Variants in SCAI observed in about 807,000 individuals in gnomAD.
SCAI encodes the protein suppressor of cancer cell invasion.
Under a neutral mutation model 92.2 loss-of-function variants are expected in SCAI, and 24 were observed. The ratio of observed to expected loss-of-function variants is 0.26; its 90% CI spans 0.19 to 0.37. SCAI has a LOEUF of 0.37. SCAI is among the 10% of genes least tolerant of loss of function. The probability of loss-of-function intolerance (pLI) is 1.00; values close to 1 mark genes in which losing one functional copy is unlikely to be tolerated. For synonymous variants in SCAI, 261 were observed against 258.6 expected (o/e 1.01, Z -0.09); for missense variants, 450 against 736.2 (o/e 0.61, Z 4.50).
At chr9:125,127,735 A>G (rs1329776346) in intron 2 of SCAI, among the ~76,000 whole-genome samples, 1 of 152,090 alleles carries the variant, frequency 6.6e-6, no homozygotes, top group East Asian at 1.9e-4. Flanking sequence ...CGGCCGAACG[A>G]GGTGGCACAC....
At chr9:125,015,639 A>G (rs1832742424) in intron 9 of SCAI, among the ~76,000 whole-genome samples, 1 of 152,180 alleles carries the variant, frequency 6.6e-6, no homozygotes, top group African/African-American at 2.4e-5. Flanking sequence ...TCAGGGATCT[A>G]GAACTAGAAA....
At chr9:124,982,588 G>A (rs541072155) in intron 14 of SCAI, among the ~76,000 whole-genome samples, 7 of 151,368 alleles carry the variant, frequency 4.6e-5, no homozygotes, top group Non-Finnish European at 8.8e-5. Context: ...GCTGAGGCAG[G>A]AGACTCACTT....
chr9:125,024,274 G>C (rs1387697658), intron 6 of SCAI, among the ~76,000 whole-genome samples: 1 of 150,176 alleles, frequency 6.7e-6, no homozygotes, highest in African/African-American at 2.4e-5. Context: ...GGCTTTTTAT[G>C]AAGTTTTTTT....
chr9:125,139,516 A>G (rs924449256), intron 2 of SCAI, among the ~76,000 whole-genome samples: 1 of 152,258 alleles, frequency 6.6e-6, no homozygotes, highest in Non-Finnish European at 1.5e-5. Flanking sequence ...AGTTACATTC[A>G]GCAATTAATT....
intron 3 of SCAI, among the ~76,000 whole-genome samples, chr9:125,042,615 A>ATGTGTGTG (rs150983142): frequency 1.4e-3 from 150 of 105,196 alleles, no homozygotes; most frequent in African/African-American, 2.4e-3. Context: ...CCACCAGAGT[A>ATGTGTGTG]TGTGTGTGTG....
Position 125,055,877 on chromosome 9 carries a change from T to G in SCAI, c.229A>C (p.Arg77=), listed in dbSNP as rs1365578485. The change falls in exon 3 of 18, where the codon AGA becomes CGA. Residue 77 remains arginine (R), a splice_region_variant and synonymous_variant. Transcript: ENST00000336505. ...TCAAAACACCAAGAGTCCACTCACC[T>G]TAACCCATTGAACAGTTGCTTAGAT... ...DKSKQLFNGL[R]DLPQYGQKQW... is the part of the protein sequence containing the mutation. 24 of 1,609,302 alleles carry G rather than the reference T, an allele frequency of 1.5e-5. No individual in the cohort carries two copies. Among genetic ancestry groups the G allele is most frequent in the Non-Finnish European group, 2.0e-5 (23 of 1,178,526 alleles).
At chr9:124,953,454 C>T (rs1312989871) in intron 17 of SCAI, among the ~76,000 whole-genome samples, 1 of 151,958 alleles carries the variant, frequency 6.6e-6, no homozygotes, top group African/African-American at 2.4e-5. Flanking sequence ...TGCTGAAACC[C>T]CATCTCTACT....
At chr9:125,037,418 AAAAAG>A (rs773393670) in intron 3 of SCAI, among the ~76,000 whole-genome samples, 1 of 152,032 alleles carries the variant, frequency 6.6e-6, no homozygotes, top group Non-Finnish European at 1.5e-5. Context: ...CTACAAAAAA[AAAAAG>A]AAAAGAAAAG....
At chr9:125,025,531 G>A (rs16927817) in intron 6 of SCAI, among the ~76,000 whole-genome samples, 2,549 of 152,108 alleles carry the variant, frequency 0.017, 72 homozygotes, top group African/African-American at 0.059. Context: ...CAGCTCTTTC[G>A]CATTTTTTAA....
chr9:124,957,744 C>T (rs566731383), intron 17 of SCAI, among the ~76,000 whole-genome samples: 7 of 151,204 alleles, frequency 4.6e-5, no homozygotes, highest in African/African-American at 1.2e-4. Flanking sequence ...TGCAATGGCA[C>T]GACCTCGGCT....
At chr9:125,107,734 C>T (rs1213116559) in intron 2 of SCAI, among the ~76,000 whole-genome samples, 1 of 152,202 alleles carries the variant, frequency 6.6e-6, no homozygotes, top group Admixed American at 6.5e-5. Context: ...TGCCACTGCA[C>T]TCCAGCCTCG....
chr9:125,079,233 T>C, intron 2 of SCAI, among the ~76,000 whole-genome samples: 1 of 152,216 alleles, frequency 6.6e-6, no homozygotes, highest in East Asian at 1.9e-4. Flanking sequence ...TGTTCTCTTA[T>C]AGCTCCCAGA....
chr9:125,138,197 C>T (rs1228681681), intron 2 of SCAI, among the ~76,000 whole-genome samples: 5 of 151,674 alleles, frequency 3.3e-5, no homozygotes, highest in African/African-American at 1.2e-4. Context: ...CTTCTATGTG[C>T]CAGGCACTAT....
At position 125,002,488 on chromosome 9, in the gene SCAI, G is replaced by GTT. The variant is rs58586769; in HGVS notation, c.1066-447_1066-446dup. On this transcript the variant is annotated intron_variant, in intron 11 of 17. Transcript: ENST00000336505. ...ACACTCTGCTTTTGTTTTTTAGTCT[G>GTT]TTTTTTTTTTTGAAACAGAGTTTCA... Among the ~76,000 whole-genome samples the GTT allele has an allele frequency of 1.8e-4, 22 of 125,106 alleles. 1 individual carries two copies. Among genetic ancestry groups the GTT allele is most frequent in the East Asian group, 1.1e-3 (5 of 4,462 alleles). The allele number at this position is 125,106 out of a possible 152,430, so 82.1% of individuals were successfully genotyped here. A position where few individuals can be genotyped will look rare whatever the true frequency, so the allele number is the denominator to read the frequency against.
intron 17 of SCAI, among the ~76,000 whole-genome samples, chr9:124,963,960 G>C (rs1408345826): frequency 6.8e-6 from 1 of 146,868 alleles, no homozygotes; most frequent in Non-Finnish European, 1.5e-5. Flanking sequence ...AGATGGAAGG[G>C]GAGGCAGGAG....
chr9:124,964,463 C>T (rs1029059836), intron 17 of SCAI, among the ~76,000 whole-genome samples: 6 of 152,178 alleles, frequency 3.9e-5, no homozygotes, highest in Non-Finnish European at 1.5e-5. Flanking sequence ...GGCTTGATGG[C>T]TTTCAAGCCT....
At chr9:125,074,960 C>T (rs1203351962) in intron 2 of SCAI, among the ~76,000 whole-genome samples, 1 of 152,056 alleles carries the variant, frequency 6.6e-6, no homozygotes, top group East Asian at 1.9e-4. Context: ...CACACCACTA[C>T]ACTTCAGTCT....
intron 3 of SCAI, among the ~76,000 whole-genome samples, chr9:125,052,256 T>C (rs760680096): frequency 2.6e-5 from 4 of 152,164 alleles, no homozygotes; most frequent in Non-Finnish European, 4.4e-5. Context: ...ACATTTGTGC[T>C]TCAAAGGATA....
intron 2 of SCAI, among the ~76,000 whole-genome samples, chr9:125,113,364 T>C (rs1834967061): frequency 6.6e-6 from 1 of 152,122 alleles, no homozygotes; most frequent in African/African-American, 2.4e-5. Flanking sequence ...TTCTACAAAA[T>C]ATTTGACCAA....
Sources: gnomAD v4.1 joint callset for allele counts (sites outside exome capture counted in the v4.1 genomes callset) on GRCh38, gnomAD v4.1.1 for gene constraint, MANE v1.5 for transcripts, NCBI Gene and HGNC (gene_info 2026-07-23, HGNC 2026-07-21) for gene names.